Variants in EGF observed in about 807,000 individuals in gnomAD.
EGF encodes the protein epidermal growth factor.
A neutral mutation model predicts 143.8 loss-of-function variants in EGF; 95 were observed. That is an observed-to-expected ratio of 0.66 (90% CI 0.56 to 0.78). The LOEUF (loss-of-function observed/expected upper bound fraction) is 0.78. EGF is among the 30% of genes least tolerant of loss of function. The probability of loss-of-function intolerance (pLI) is 0.00; values close to 1 mark genes in which losing one functional copy is unlikely to be tolerated. For synonymous variants in EGF, 510 were observed against 510.5 expected, an observed-to-expected ratio of 1.00 and a Z score of 0.01; for missense variants, 1,320 against 1,470.9, an observed-to-expected ratio of 0.90 and a Z score of 1.68.
chr4:109,978,728 A>T (rs1748882481), intron 13 of EGF, among the ~76,000 whole-genome samples: 1 of 152,208 alleles, frequency 6.6e-6, no homozygotes, highest in Admixed American at 6.5e-5. Flanking sequence ...GTTTTCTGTT[A>T]TGCTTTTTCA....
At chr4:109,964,613 T>C in intron 10 of EGF, 76 bp downstream of exon 10, 14 of 1,593,940 alleles carry the variant, frequency 8.8e-6, no homozygotes, top group Non-Finnish European at 1.2e-5. Flanking sequence ...ACAAATGACC[T>C]GGCCTACTTG....
intron 5 of EGF, among the ~76,000 whole-genome samples, chr4:109,956,334 T>C (rs1272258693): frequency 5.3e-5 from 8 of 152,178 alleles, no homozygotes; most frequent in Non-Finnish European, 1.0e-4. Context: ...AAGATTTTTA[T>C]AGGGCAAAGG....
intron 22 of EGF, among the ~76,000 whole-genome samples, chr4:110,007,261 G>T (rs1753426735): frequency 6.6e-6 from 1 of 152,188 alleles, no homozygotes; most frequent in Non-Finnish European, 1.5e-5. Flanking sequence ...CAAAGAGATT[G>T]TTTTCTACTC....
chr4:109,945,797 A>G (rs942178533), intron 5 of EGF, among the ~76,000 whole-genome samples: 7 of 152,206 alleles, frequency 4.6e-5, no homozygotes, highest in African/African-American at 1.7e-4. Flanking sequence ...GGGAAGGCAA[A>G]TAAATGGCAG....
chr4:109,941,183 G>A lies in EGF; in HGVS notation c.327+38G>A, dbSNP rs773975666. On this transcript the variant is annotated intron_variant, in intron 2 of 23. Transcript: ENST00000265171. Reference sequence around the variant, plus strand: ...TACCTACAGTGTTTGAGCTGTTTTTGTACAGGCTGACAAATATAATATACT... The same window carrying A: ...TACCTACAGTGTTTGAGCTGTTTTTATACAGGCTGACAAATATAATATACT... 8.9e-6 allele frequency: 14 copies of A among 1,575,226 alleles called. No homozygotes were observed. In the South Asian group the frequency reaches 1.3e-4, roughly 15 times the overall value.
chr4:109,939,146 G>A lies in EGF; in HGVS notation c.128-1800G>A, dbSNP rs566720665. On this transcript the variant is annotated intron_variant, in intron 1 of 23. Coordinates refer to ENST00000265171, the MANE Select transcript of EGF (RefSeq NM_001963.6). ...TCCAGAGGTGGAATCTAAAGGGGCA[G>A]TAGGCCTTGTTGAGCTGCGTTGGGC... 7.9e-5 allele frequency among the ~76,000 whole-genome samples: 12 copies of A among 152,356 alleles called. No individual in the cohort carries two copies. The South Asian group carries it at 2.5e-3, about 32-fold the overall frequency.
intron 1 of EGF, among the ~76,000 whole-genome samples, chr4:109,920,361 A>C (rs1737549129): frequency 6.6e-6 from 1 of 151,684 alleles, no homozygotes; most frequent in South Asian, 2.1e-4. Flanking sequence ...AATAGCTGGA[A>C]ATGACTGCAT....
chr4:109,920,323 A>G (rs1737539465), intron 1 of EGF, among the ~76,000 whole-genome samples: 1 of 151,748 alleles, frequency 6.6e-6, no homozygotes, highest in Non-Finnish European at 1.5e-5. Flanking sequence ...TTGCAAACAA[A>G]ACAATTAAAG....
chr4:109,936,553 CTCTGA>C (rs1230254093), intron 1 of EGF, among the ~76,000 whole-genome samples: 1 of 152,110 alleles, frequency 6.6e-6, no homozygotes, highest in Admixed American at 6.5e-5. Flanking sequence ...TTCAGTTCTG[CTCTGA>C]TCTTAGTTAT....
intron 21 of EGF, chr4:110,001,543 A>G (rs1253404868): frequency 1.6e-5 from 15 of 925,882 alleles, no homozygotes; most frequent in Non-Finnish European, 1.9e-5. Context: ...AAAAAAATGG[A>G]AACTAGAAAC....
At chr4:109,960,053 C>T (rs906360277) in intron 6 of EGF, among the ~76,000 whole-genome samples, 16 of 152,136 alleles carry the variant, frequency 1.1e-4, no homozygotes, top group African/African-American at 3.9e-4. Flanking sequence ...GTAAATCTAG[C>T]ATCTGCCTGT....
intron 5 of EGF, among the ~76,000 whole-genome samples, chr4:109,947,931 C>G (rs910419541): frequency 6.6e-6 from 1 of 152,134 alleles, no homozygotes. Flanking sequence ...TTTCCATGAT[C>G]ACATAGCTAG....
At chr4:109,948,731 C>T (rs1453882977) in intron 5 of EGF, among the ~76,000 whole-genome samples, 1 of 152,180 alleles carries the variant, frequency 6.6e-6, no homozygotes, top group African/African-American at 2.4e-5. Flanking sequence ...AGCGATCTGC[C>T]TGCCTCAGCC....
At chr4:109,945,672 A>G (rs1270717048) in intron 5 of EGF, among the ~76,000 whole-genome samples, 8 of 152,232 alleles carry the variant, frequency 5.3e-5, no homozygotes, top group African/African-American at 1.9e-4. Flanking sequence ...ATAGCTCTCA[A>G]AGAGGTGGCT....
intron 6 of EGF, among the ~76,000 whole-genome samples, chr4:109,960,059 C>G (rs981106982): frequency 3.9e-5 from 6 of 152,164 alleles, no homozygotes; most frequent in African/African-American, 1.4e-4. Context: ...CTAGCATCTG[C>G]CTGTTAATTA....
chr4:110,002,229 G>A (rs1307945266), intron 21 of EGF, among the ~76,000 whole-genome samples: 4 of 152,040 alleles, frequency 2.6e-5, no homozygotes, highest in Admixed American at 6.6e-5. Flanking sequence ...GTGGTGGCTC[G>A]TGTCTATAAT....
intron 14 of EGF, 66 bp from the exon 15 acceptor site, chr4:109,980,760 A>T: frequency 6.3e-7 from 1 of 1,584,118 alleles, no homozygotes; most frequent in Non-Finnish European, 8.7e-7. Context: ...CAAGCTGTAG[A>T]CTTGCATTAA....
chr4:110,003,895 G>T (rs890976986), intron 21 of EGF, among the ~76,000 whole-genome samples: 4 of 152,108 alleles, frequency 2.6e-5, no homozygotes, highest in East Asian at 1.9e-4. Context: ...AGATTGCAGT[G>T]GGCCAGTAAG....
chr4:109,965,732 G>T (rs1746449656), intron 10 of EGF, among the ~76,000 whole-genome samples: 1 of 152,070 alleles, frequency 6.6e-6, no homozygotes, highest in Non-Finnish European at 1.5e-5. Context: ...TATTAGAACT[G>T]CAGTCCTCCA....
Sources: allele counts gnomAD v4.1 joint callset (sites outside exome capture counted in the v4.1 genomes callset), GRCh38; gene constraint gnomAD v4.1.1; transcripts MANE v1.5; gene names NCBI Gene and HGNC (gene_info 2026-07-23, HGNC 2026-07-21).